Variants in CFAP299 observed in about 807,000 individuals in gnomAD.
CFAP299 encodes cilia and flagella associated protein 299, also known as cilia- and flagella-associated protein 299.
In CFAP299, 21 loss-of-function variants were observed where a neutral mutation model predicts 27.0. The observed-to-expected ratio is 0.78, with a 90% CI of 0.55 to 1.12. The LOEUF is 1.12. Among genes scored for constraint, CFAP299 ranks in the 50% most tolerant of loss-of-function variants. The pLI is 0.00. For synonymous variants in CFAP299, 104 were observed against 98.1 expected, an observed-to-expected ratio of 1.06 and a Z score of -0.36; for missense variants, 310 against 276.6, an observed-to-expected ratio of 1.12 and a Z score of -0.86.
chr4:80,505,549 A>T (rs1289084561), intron 2 of CFAP299, among the ~76,000 whole-genome samples: 12 of 148,692 alleles, frequency 8.1e-5, no homozygotes, highest in Admixed American at 8.0e-4. Flanking sequence ...TATGAATAGC[A>T]ATCAAAATAG....
chr4:80,649,395 A>G (rs939726114), intron 3 of CFAP299, among the ~76,000 whole-genome samples: 2 of 152,152 alleles, frequency 1.3e-5, no homozygotes, highest in African/African-American at 4.8e-5. Context: ...TCCATTTGAA[A>G]TATACACATT....
the CFAP299 span, among the ~76,000 whole-genome samples, chr4:80,327,705 T>TATATATATATATATATAACTTCAATAC: frequency 1.5e-5 from 2 of 135,474 alleles, no homozygotes; most frequent in African/African-American, 6.3e-5. Flanking sequence ...TATATATATA[T>TATATATATATATATATAACTTCAATAC]ATATATATAT....
chr4:80,926,338 T>A (rs1220630263), intron 4 of CFAP299, among the ~76,000 whole-genome samples: 1 of 151,986 alleles, frequency 6.6e-6, no homozygotes, highest in African/African-American at 2.4e-5. Flanking sequence ...TAAGCAGGGA[T>A]ATAATATCTT....
intron 2 of CFAP299, among the ~76,000 whole-genome samples, chr4:80,515,238 AT>A (rs1439506027): frequency 3.9e-5 from 6 of 152,290 alleles, no homozygotes; most frequent in African/African-American, 1.4e-4. Context: ...TGAGGAAGAC[AT>A]CTAGAAATAT....
intron 2 of CFAP299, among the ~76,000 whole-genome samples, chr4:80,526,516 C>A (rs1479106204): frequency 2.6e-5 from 4 of 151,944 alleles, no homozygotes; most frequent in Non-Finnish European, 5.9e-5. Flanking sequence ...TTTTTCTTAA[C>A]AATTAAGAAG....
intron 2 of CFAP299, among the ~76,000 whole-genome samples, chr4:80,557,093 C>G (rs1258520302): frequency 6.6e-6 from 1 of 152,050 alleles, no homozygotes; most frequent in African/African-American, 2.4e-5. Flanking sequence ...AACCACAGAT[C>G]AACACTTCAA....
intron 2 of CFAP299, among the ~76,000 whole-genome samples, chr4:80,578,031 A>G (rs1735960458): frequency 6.6e-6 from 1 of 152,226 alleles, no homozygotes; most frequent in South Asian, 2.1e-4. Flanking sequence ...GGATTATATA[A>G]ATAGCTTTAG....
intron 3 of CFAP299, among the ~76,000 whole-genome samples, chr4:80,654,552 C>T (rs1229276323): frequency 6.6e-6 from 1 of 152,074 alleles, no homozygotes; most frequent in Non-Finnish European, 1.5e-5. Flanking sequence ...GTCCACAGAT[C>T]CACCTTCTAT....
At chr4:80,345,092 C>T (rs1722657524) in intron 1 of CFAP299, among the ~76,000 whole-genome samples, 1 of 152,124 alleles carries the variant, frequency 6.6e-6, no homozygotes. Context: ...CAAGGATGTC[C>T]TCTCTCTCAT....
chr4:80,338,555 A>G (rs75731224), intron 1 of CFAP299, among the ~76,000 whole-genome samples: 1 of 152,318 alleles, frequency 6.6e-6, no homozygotes, highest in African/African-American at 2.4e-5. Flanking sequence ...GTTGGACTAG[A>G]TTATTCAAGT....
At chr4:80,549,464 A>G (rs938798623) in intron 2 of CFAP299, among the ~76,000 whole-genome samples, 1 of 152,204 alleles carries the variant, frequency 6.6e-6, no homozygotes, top group Non-Finnish European at 1.5e-5. Context: ...TACTTCTTAC[A>G]CATGTTAACA....
At chr4:80,961,108 A>C (rs926776936) in intron 5 of CFAP299, among the ~76,000 whole-genome samples, 1 of 151,676 alleles carries the variant, frequency 6.6e-6, no homozygotes, top group Admixed American at 6.6e-5. Flanking sequence ...GAAAAAAAAA[A>C]CACAATTACT....
At chr4:80,798,357 A>G (rs1332439622) in intron 3 of CFAP299, among the ~76,000 whole-genome samples, 2 of 152,094 alleles carry the variant, frequency 1.3e-5, no homozygotes, top group African/African-American at 4.8e-5. Flanking sequence ...GGAAGGGGAT[A>G]TTGCCACTAC....
intron 3 of CFAP299, among the ~76,000 whole-genome samples, chr4:80,843,322 C>T (rs1253948775): frequency 6.6e-6 from 1 of 151,966 alleles, no homozygotes; most frequent in South Asian, 2.1e-4. Flanking sequence ...TGAGTGAGAA[C>T]ATGCGGTGTT....
At chr4:80,467,720 C>A (rs1272652284) in intron 2 of CFAP299, among the ~76,000 whole-genome samples, 1 of 152,124 alleles carries the variant, frequency 6.6e-6, no homozygotes, top group Non-Finnish European at 1.5e-5. Flanking sequence ...TTTCACACTG[C>A]TATAAAGAAA....
intron 2 of CFAP299, among the ~76,000 whole-genome samples, chr4:80,374,338 C>T (rs1724298626): frequency 6.6e-6 from 1 of 152,084 alleles, no homozygotes; most frequent in African/African-American, 2.4e-5. Context: ...ATGTCCCTAT[C>T]TGTGACTTGA....
Position 80,623,098 on chromosome 4 carries a change from C to G in CFAP299, c.333+39915C>G, listed in dbSNP as rs1378900639. ...ATCAGGAAGGGAATATTTTATGCTT[C>G]TGTTCTACACTCAATTTATTAGTAG... On this transcript the variant is annotated intron_variant, in intron 3 of 5. Transcript: ENST00000358105. Among the ~76,000 whole-genome samples, 4 of 151,996 alleles carry G rather than the reference C, an allele frequency of 2.6e-5. No individual in the cohort carries two copies. In the East Asian group the frequency reaches 7.7e-4, roughly 29 times the overall value.
chr4:80,429,311 A>G (rs1055611454), intron 2 of CFAP299, among the ~76,000 whole-genome samples: 2 of 148,098 alleles, frequency 1.4e-5, no homozygotes, highest in Non-Finnish European at 3.0e-5. Flanking sequence ...TAAATTGGAG[A>G]GAAAATACAT....
chr4:80,548,652 T>C (rs1734357425), intron 2 of CFAP299, among the ~76,000 whole-genome samples: 1 of 152,080 alleles, frequency 6.6e-6, no homozygotes, highest in African/African-American at 2.4e-5. Context: ...TCCAGTGAGG[T>C]TACTGAGGCT....
Sources: allele counts gnomAD v4.1 joint callset (sites outside exome capture counted in the v4.1 genomes callset), GRCh38; gene constraint gnomAD v4.1.1; transcripts MANE v1.5; gene names NCBI Gene and HGNC (gene_info 2026-07-23, HGNC 2026-07-21).